NALCN: variants seen among roughly 807,000 people sequenced by gnomAD.
NALCN encodes the protein sodium leak channel NALCN.
In NALCN, 111 loss-of-function variants were observed where a neutral mutation model predicts 225.3. The observed-to-expected ratio is 0.49, with a 90% CI of 0.42 to 0.58. NALCN has a LOEUF of 0.58. NALCN is among the 20% of genes least tolerant of loss of function. The pLI is 0.00. For missense variants in NALCN, 1,378 were observed against 2,202.4 expected (o/e 0.63, Z 7.49); for synonymous variants, 764 against 769.0 (o/e 0.99, Z 0.11).
chr13:101,189,089 T>C (rs1185227865), intron 14 of NALCN, among the ~76,000 whole-genome samples: 1 of 152,222 alleles, frequency 6.6e-6, no homozygotes, highest in Non-Finnish European at 1.5e-5. Context: ...AACTCTGAAG[T>C]AGGGATGCCC....
chr13:101,251,409 G>A (rs971512009), intron 11 of NALCN, among the ~76,000 whole-genome samples: 1 of 152,010 alleles, frequency 6.6e-6, no homozygotes. Context: ...AGAAGGAGGA[G>A]ATCAAGAAGT....
At chr13:101,394,653 T>C (rs1197965450) in intron 3 of NALCN, among the ~76,000 whole-genome samples, 1 of 152,242 alleles carries the variant, frequency 6.6e-6, no homozygotes, top group Non-Finnish European at 1.5e-5. Flanking sequence ...TTGTTTCCAA[T>C]TGGTACTAAT....
chr13:101,175,242 T>G (rs1012342801), intron 15 of NALCN, among the ~76,000 whole-genome samples: 30 of 151,706 alleles, frequency 2.0e-4, no homozygotes, highest in Middle Eastern at 3.4e-3. Context: ...AACAATTTTT[T>G]TTTGTTTGTT....
At chr13:101,355,096 C>T (rs139684451) in intron 6 of NALCN, among the ~76,000 whole-genome samples, 89 of 152,240 alleles carry the variant, frequency 5.8e-4, no homozygotes, top group African/African-American at 1.9e-3. Context: ...ATTCTTGTCA[C>T]GTGATGTGCC....
At chr13:101,288,817 A>G (rs965216630) in intron 9 of NALCN, among the ~76,000 whole-genome samples, 3 of 152,238 alleles carry the variant, frequency 2.0e-5, no homozygotes, top group Admixed American at 6.5e-5. Context: ...TTTAACAGAA[A>G]AGTAGCCTTG....
At chr13:101,404,861 T>C (rs988760316) in intron 1 of NALCN, among the ~76,000 whole-genome samples, 3 of 152,166 alleles carry the variant, frequency 2.0e-5, no homozygotes, top group Non-Finnish European at 2.9e-5. Context: ...CCATAGCTCA[T>C]TCACATGCTT....
At chr13:101,202,670 T>G (rs1193443456) in intron 13 of NALCN, among the ~76,000 whole-genome samples, 1 of 152,106 alleles carries the variant, frequency 6.6e-6, no homozygotes, top group Non-Finnish European at 1.5e-5. Context: ...GGGAAATGGG[T>G]TCCCTCCTCA....
intron 1 of NALCN, among the ~76,000 whole-genome samples, chr13:101,414,296 A>T (rs2047871897): frequency 6.6e-6 from 1 of 152,168 alleles, no homozygotes; most frequent in African/African-American, 2.4e-5. Context: ...TCTTTCCTGA[A>T]GGATTCTTAG....
At position 101,142,178 on chromosome 13, in the gene NALCN, G is replaced by A. The variant is rs1401842061; in HGVS notation, c.2118+902C>T. Among the ~76,000 whole-genome samples the A allele has an allele frequency of 2.8e-5, 3 of 106,614 alleles. No homozygotes were observed. In the East Asian group the frequency reaches 8.6e-4, roughly 31 times the overall value. The allele number at this position is 106,614 out of a possible 152,430, so 69.9% of individuals were successfully genotyped here. A position where few individuals can be genotyped will look rare whatever the true frequency, so the allele number is the denominator to read the frequency against. On this transcript the variant is annotated intron_variant, in intron 17 of 43. Transcript: ENST00000251127. ...TTTTTTTGAGATGGAGTCTCACTCT[G>A]TTGCCCAGGCTGGAGTACAGTGGCA...
At chr13:101,205,780 T>C (rs1238570807) in intron 13 of NALCN, among the ~76,000 whole-genome samples, 1 of 152,126 alleles carries the variant, frequency 6.6e-6, no homozygotes, top group Admixed American at 6.6e-5. Flanking sequence ...TGCTATAAAA[T>C]TGTACATGAA....
At chr13:101,149,643 A>C (rs1156673702) in intron 15 of NALCN, among the ~76,000 whole-genome samples, 1 of 152,228 alleles carries the variant, frequency 6.6e-6, no homozygotes, top group Non-Finnish European at 1.5e-5. Flanking sequence ...GGAGACTCAG[A>C]AGGTTCTTCA....
chr13:101,155,086 T>C (rs2037841470), intron 15 of NALCN, among the ~76,000 whole-genome samples: 1 of 151,070 alleles, frequency 6.6e-6, no homozygotes. Flanking sequence ...CAGCTTACCA[T>C]AGAAAATTCT....
intron 13 of NALCN, among the ~76,000 whole-genome samples, chr13:101,192,928 T>C (rs574160170): frequency 1.3e-5 from 2 of 152,306 alleles, no homozygotes; most frequent in South Asian, 4.1e-4. Context: ...TTTAAAAACA[T>C]CTTTATAGAC....
Position 101,073,568 on chromosome 13 carries a change from G to A in NALCN, c.4197+16C>T, listed in dbSNP as rs767577075. ...GATTCTAAGTCTAAGCCTTGTTCAT[G>A]ATGAGAGATATTTACCATACAGTCA... On this transcript the variant is annotated intron_variant, in intron 37 of 43. Coordinates refer to ENST00000251127, the MANE Select transcript of NALCN (RefSeq NM_052867.4). 2 of 1,597,202 alleles carry A rather than the reference G, an allele frequency of 1.3e-6. No individual in the cohort carries two copies. Among genetic ancestry groups the A allele is most frequent in the Non-Finnish European group, 1.7e-6 (2 of 1,167,096 alleles).
intron 6 of NALCN, among the ~76,000 whole-genome samples, chr13:101,370,532 T>C (rs3918319): frequency 0.19 from 28,678 of 152,118 alleles, 2,964 homozygotes; most frequent in East Asian, 0.39. Flanking sequence ...AGATTGTAAT[T>C]TGAAAGACTT....
chr13:101,206,899 TCTCA>T, intron 13 of NALCN, among the ~76,000 whole-genome samples: 1 of 152,142 alleles, frequency 6.6e-6, no homozygotes, highest in South Asian at 2.1e-4. Flanking sequence ...TCACCATTTC[TCTCA>T]CTCATGACTT....
At position 101,136,299 on chromosome 13, in the gene NALCN, T is replaced by TTTA. The variant is rs1312807188; in HGVS notation, c.2118+6778_2118+6780dup. On this transcript the variant is annotated intron_variant, in intron 17 of 43. Coordinates refer to ENST00000251127, the MANE Select transcript of NALCN (RefSeq NM_052867.4). ...TTTATAGTACGCATCGTTTTATTTA[T>TTTA]TTATTTATTTATTTATATATTATAC... is the stretch of plus-strand genomic sequence containing the variant. 1.4e-3 allele frequency among the ~76,000 whole-genome samples: 7 copies of TTTA among 5,170 alleles called. No individual in the cohort carries two copies. The African/African-American group carries it at 0.019, about 14-fold the overall frequency. The allele number at this position is 5,170 out of a possible 152,430, so 3.4% of individuals were successfully genotyped here.
rs369461159 is a variant in NALCN, at chr13:101,309,584, A to T, written c.800-17218T>A. On this transcript the variant is annotated intron_variant, in intron 7 of 43. Coordinates refer to ENST00000251127, the MANE Select transcript of NALCN (RefSeq NM_052867.4). ...TAATTCCTAAGACAGTCTGTCTTAA[A>T]TTTCAGCAAGACTCTAGTGTAATGC... Among the ~76,000 whole-genome samples, 5 of 152,342 alleles carry T rather than the reference A, an allele frequency of 3.3e-5. 1 individual carries two copies. Among genetic ancestry groups the T allele is most frequent in the East Asian group, 1.9e-4 (1 of 5,188 alleles).
At chr13:101,304,111 C>T (rs1331438406) in intron 7 of NALCN, among the ~76,000 whole-genome samples, 1 of 152,052 alleles carries the variant, frequency 6.6e-6, no homozygotes, top group Non-Finnish European at 1.5e-5. Flanking sequence ...ACTTTGCAGC[C>T]AGGTGTTTGA....
Sources: gnomAD v4.1 joint callset for allele counts (sites outside exome capture counted in the v4.1 genomes callset) on GRCh38, gnomAD v4.1.1 for gene constraint, MANE v1.5 for transcripts, NCBI Gene and HGNC (gene_info 2026-07-23, HGNC 2026-07-21) for gene names.